ROBO2: variants seen among roughly 807,000 people sequenced by gnomAD.
ROBO2 encodes roundabout homolog 2.
In ROBO2, 53 loss-of-function variants were observed where a neutral mutation model predicts 160.8. The ratio of observed to expected loss-of-function variants is 0.33; its 90% CI spans 0.26 to 0.41. ROBO2 has a LOEUF of 0.41. Ranked by LOEUF, ROBO2 falls within the 10% of genes least tolerant of loss-of-function variation. The pLI is 1.00. For missense variants in ROBO2, 1,577 were observed against 1,722.4 expected (o/e 0.92, Z 1.49); for synonymous variants, 664 against 611.7 (o/e 1.09, Z -1.26).
At chr3:76,012,680 T>G (rs1373639402) in intron 2 of ROBO2, among the ~76,000 whole-genome samples, 2 of 152,220 alleles carry the variant, frequency 1.3e-5, no homozygotes, top group Admixed American at 6.5e-5. Context: ...AAAGACTTTT[T>G]TAAAAATCCG....
intron 2 of ROBO2, among the ~76,000 whole-genome samples, chr3:77,417,449 C>A (rs184093509): frequency 2.7e-4 from 40 of 147,646 alleles, no homozygotes; most frequent in African/African-American, 9.7e-4. Context: ...TCATATATGC[C>A]CAGTGGAAAA....
chr3:76,298,670 A>G (rs1219872723), intron 2 of ROBO2, among the ~76,000 whole-genome samples: 1 of 152,192 alleles, frequency 6.6e-6, no homozygotes, highest in African/African-American at 2.4e-5. Context: ...ACCTCATGGG[A>G]TATATTTTAT....
At chr3:76,189,512 T>C (rs1214798105) in intron 2 of ROBO2, among the ~76,000 whole-genome samples, 1 of 152,100 alleles carries the variant, frequency 6.6e-6, no homozygotes. Context: ...ATATGTTCCC[T>C]ATTAGATTTT....
chr3:75,941,922 T>C (rs1306654685), intron 2 of ROBO2, among the ~76,000 whole-genome samples: 1 of 152,122 alleles, frequency 6.6e-6, no homozygotes, highest in Admixed American at 6.6e-5. Context: ...TCTAGAGATA[T>C]CAGAGAAAAC....
At chr3:76,965,584 C>A (rs2080005106) in intron 2 of ROBO2, among the ~76,000 whole-genome samples, 1 of 150,968 alleles carries the variant, frequency 6.6e-6, no homozygotes, top group Non-Finnish European at 1.5e-5. Context: ...GAATCCAAAT[C>A]TTTGTTTCTA....
rs2062209338 is a variant in ROBO2 at position 76,775,756 on chromosome 3, T to TTA, written c.110-322258_110-322257insTA. Among the ~76,000 whole-genome samples the TTA allele has an allele frequency of 2.0e-5, 3 of 150,048 alleles. No homozygotes were observed. In the South Asian group the frequency reaches 6.3e-4, roughly 31 times the overall value. ...ACATCGATGTTATTTAATTGTTCAC[T>TTA]CTTACTAAGCCTTCAAATTGTATTA... On this transcript the variant is annotated intron_variant, in intron 2 of 26. Transcript: ENST00000487694.
At chr3:77,614,410 G>T (rs1046886974) in intron 21 of ROBO2, among the ~76,000 whole-genome samples, 1 of 152,142 alleles carries the variant, frequency 6.6e-6, no homozygotes, top group Non-Finnish European at 1.5e-5. Flanking sequence ...TGGGAATACA[G>T]TTTAAATGAT....
chr3:76,481,209 C>T (rs1370031932), intron 2 of ROBO2, among the ~76,000 whole-genome samples: 7 of 152,080 alleles, frequency 4.6e-5, no homozygotes, highest in Admixed American at 4.6e-4. Context: ...GGGTCTCAAA[C>T]ATTAGTATGT....
chr3:76,757,538 T>C (rs985724062), intron 2 of ROBO2, among the ~76,000 whole-genome samples: 1 of 151,772 alleles, frequency 6.6e-6, no homozygotes, highest in African/African-American at 2.4e-5. Context: ...CTCAGAAATA[T>C]CACAGTGTTA....
At chr3:76,348,280 T>C (rs898162959) in intron 2 of ROBO2, among the ~76,000 whole-genome samples, 2 of 152,086 alleles carry the variant, frequency 1.3e-5, no homozygotes, top group Non-Finnish European at 2.9e-5. Context: ...GGGAGGCAAG[T>C]AATTGTTGGG....
intron 2 of ROBO2, among the ~76,000 whole-genome samples, chr3:77,020,648 G>A (rs6762489): frequency 0.11 from 17,398 of 152,056 alleles, 1,040 homozygotes; most frequent in East Asian, 0.17. Flanking sequence ...ACAACCAAAT[G>A]AAATTGCATT....
chr3:76,748,708 G>A (rs1381127600), intron 2 of ROBO2, among the ~76,000 whole-genome samples: 1 of 151,746 alleles, frequency 6.6e-6, no homozygotes, highest in African/African-American at 2.4e-5. Context: ...GCGTTAATAA[G>A]GGCATGAGAA....
intron 21 of ROBO2, among the ~76,000 whole-genome samples, chr3:77,612,572 C>T (rs946107813): frequency 5.9e-5 from 9 of 152,054 alleles, no homozygotes; most frequent in Non-Finnish European, 1.2e-4. Context: ...TTTTCAGTTT[C>T]GCTATCCCAA....
chr3:76,119,963 T>G (rs1030006067), intron 2 of ROBO2, among the ~76,000 whole-genome samples: 1 of 140,342 alleles, frequency 7.1e-6, no homozygotes, highest in Non-Finnish European at 1.5e-5. Context: ...CCTTCCTTCC[T>G]TCCTTCCTTC....
intron 2 of ROBO2, among the ~76,000 whole-genome samples, chr3:76,518,045 C>T (rs944578945): frequency 2.6e-5 from 4 of 151,982 alleles, no homozygotes; most frequent in African/African-American, 9.7e-5. Context: ...TGTAAAGAGA[C>T]ATTGGCATTA....
intron 2 of ROBO2, among the ~76,000 whole-genome samples, chr3:76,563,530 T>A (rs937892377): frequency 6.6e-6 from 1 of 152,226 alleles, no homozygotes; most frequent in Admixed American, 6.5e-5. Flanking sequence ...GATGGGTTAA[T>A]TTTGATATGG....
chr3:77,049,121 G>A (rs969149634), intron 1 of ROBO2, among the ~76,000 whole-genome samples: 1 of 152,042 alleles, frequency 6.6e-6, no homozygotes, highest in Non-Finnish European at 1.5e-5. Flanking sequence ...TTGAGCCTAG[G>A]TGTTTGAGAC....
rs574001246 is a variant in ROBO2 at position 76,354,258 on chromosome 3, TAGTA to T, written c.109+416659_109+416662del. ...TTCCAGCTGTTTCTTTTTCTGTTCT[TAGTA>T]AGAAGAAAGTGCCACAACTCTGGAT... On this transcript the variant is annotated intron_variant, in intron 2 of 26. Coordinates refer to the ROBO2 transcript ENST00000487694. 1.5e-3 allele frequency among the ~76,000 whole-genome samples: 225 copies of T among 152,042 alleles called. 2 individuals carry two copies. Among genetic ancestry groups the T allele is most frequent in the Admixed American group, 4.9e-3 (74 of 15,218 alleles).
At chr3:77,246,829 C>T (rs1422350853) in intron 2 of ROBO2, among the ~76,000 whole-genome samples, 2 of 152,068 alleles carry the variant, frequency 1.3e-5, no homozygotes, top group African/African-American at 4.8e-5. Flanking sequence ...TTGAGTATAG[C>T]TGGTCTTCAT....
Sources: allele counts gnomAD v4.1 joint callset (sites outside exome capture counted in the v4.1 genomes callset), GRCh38; gene constraint gnomAD v4.1.1; transcripts MANE v1.5; gene names NCBI Gene and HGNC (gene_info 2026-07-23, HGNC 2026-07-21).